Variants in SLMAP observed in about 807,000 individuals in gnomAD.
SLMAP encodes the protein sarcolemma associated protein.
SLMAP carries 44 observed loss-of-function variants against 128.8 expected under a neutral mutation model. That is an observed-to-expected ratio of 0.34 (90% confidence interval 0.27 to 0.44). The LOEUF (loss-of-function observed/expected upper bound fraction) is 0.44. Ranked by LOEUF, SLMAP falls within the 20% of genes least tolerant of loss-of-function variation. SLMAP has a pLI of 1.00. For missense variants in SLMAP, 787 were observed against 985.3 expected, an observed-to-expected ratio of 0.80 and a Z score of 2.69; for synonymous variants, 327 against 348.8, an observed-to-expected ratio of 0.94 and a Z score of 0.70.
intron 2 of SLMAP, among the ~76,000 whole-genome samples, chr3:57,793,923 T>C (rs565675341): frequency 6.7e-6 from 1 of 149,408 alleles, no homozygotes; most frequent in African/African-American, 2.5e-5. Flanking sequence ...AAAATCCTGC[T>C]GGGTGTGATG....
intron 19 of SLMAP, among the ~76,000 whole-genome samples, chr3:57,911,115 A>G (rs1279063892): frequency 2.6e-5 from 4 of 152,118 alleles, no homozygotes; most frequent in Non-Finnish European, 5.9e-5. Flanking sequence ...GTGTAGGGGC[A>G]ATTTTTCCTA....
chr3:57,784,215 TAACTGCACCCTGGAAA>T (rs1362369868), intron 2 of SLMAP, among the ~76,000 whole-genome samples: 1 of 152,062 alleles, frequency 6.6e-6, no homozygotes, highest in East Asian at 1.9e-4. Context: ...CACCAGCATA[TAACTGCACCCTGGAAA>T]GGCTGCAGGC....
intron 2 of SLMAP, among the ~76,000 whole-genome samples, chr3:57,828,981 CTTT>C (rs2093135384): frequency 6.6e-6 from 1 of 152,100 alleles, no homozygotes; most frequent in African/African-American, 2.4e-5. Context: ...TGGGGTCTCA[CTTT>C]GTTGCCCAGG....
chr3:57,832,610 C>A (rs1179864359), intron 3 of SLMAP, among the ~76,000 whole-genome samples: 1 of 152,096 alleles, frequency 6.6e-6, no homozygotes, highest in Admixed American at 6.5e-5. Flanking sequence ...TTTCATTTGT[C>A]TGAACATACT....
intron 18 of SLMAP, among the ~76,000 whole-genome samples, chr3:57,908,814 G>A (rs1207035612): frequency 6.6e-6 from 1 of 152,148 alleles, no homozygotes; most frequent in African/African-American, 2.4e-5. Flanking sequence ...TGTTTCTCAT[G>A]TTAAGAAAAG....
chr3:57,767,082 C>T (rs1377615507), intron 2 of SLMAP, among the ~76,000 whole-genome samples: 1 of 151,958 alleles, frequency 6.6e-6, no homozygotes, highest in Admixed American at 6.6e-5. Flanking sequence ...GCACACCTGG[C>T]TAATTTTTGT....
intron 21 of SLMAP, among the ~76,000 whole-genome samples, chr3:57,916,248 C>T (rs992714838): frequency 2.6e-5 from 4 of 151,906 alleles, no homozygotes; most frequent in African/African-American, 9.7e-5. Flanking sequence ...CAGTGAAGGG[C>T]ACTGAGACTC....
At chr3:57,799,654 G>C (rs1374123111) in intron 2 of SLMAP, among the ~76,000 whole-genome samples, 1 of 152,060 alleles carries the variant, frequency 6.6e-6, no homozygotes, top group African/African-American at 2.4e-5. Context: ...CTGATAACAT[G>C]TTTGCTTCTG....
intron 2 of SLMAP, among the ~76,000 whole-genome samples, chr3:57,788,189 G>A (rs1411268603): frequency 6.6e-6 from 1 of 152,232 alleles, no homozygotes; most frequent in Non-Finnish European, 1.5e-5. Context: ...TAGGAGAGAG[G>A]ACAGGAGATG....
chr3:57,796,861 A>C (rs1288288109), intron 2 of SLMAP, among the ~76,000 whole-genome samples: 1 of 152,176 alleles, frequency 6.6e-6, no homozygotes, highest in Non-Finnish European at 1.5e-5. Flanking sequence ...TATATGTAGA[A>C]TATGTCTCTA....
chr3:57,893,740 ATT>A (rs1287694794), intron 15 of SLMAP, among the ~76,000 whole-genome samples: 3 of 152,142 alleles, frequency 2.0e-5, no homozygotes, highest in Non-Finnish European at 4.4e-5. Flanking sequence ...GATTAGATGT[ATT>A]AGCCTCTTTT....
At chr3:57,917,442 C>T in intron 22 of SLMAP, 1 of 245,804 alleles carries the variant, frequency 4.1e-6, no homozygotes, top group East Asian at 1.1e-4. Flanking sequence ...TACTCTAATG[C>T]TGTCTGAACC....
At chr3:57,851,965 C>T (rs1019390445) in intron 6 of SLMAP, among the ~76,000 whole-genome samples, 17 of 152,050 alleles carry the variant, frequency 1.1e-4, no homozygotes, top group African/African-American at 3.9e-4. Flanking sequence ...GGCTGGAGTG[C>T]GGTGGCGTGA....
chr3:57,788,856 AGTTAGGGAGTGT>A (rs2084811720), intron 2 of SLMAP, among the ~76,000 whole-genome samples: 1 of 146,512 alleles, frequency 6.8e-6, no homozygotes, highest in Admixed American at 6.9e-5. Context: ...GAAGGCAGTG[AGTTAGGGAGTGT>A]GACAGGGAGT....
intron 2 of SLMAP, among the ~76,000 whole-genome samples, chr3:57,803,225 A>T (rs1018774155): frequency 2.0e-5 from 3 of 152,158 alleles, no homozygotes; most frequent in Non-Finnish European, 4.4e-5. Flanking sequence ...TAGAAACATG[A>T]GTATATACTC....
intron 15 of SLMAP, chr3:57,896,103 C>A: frequency 7.0e-6 from 2 of 286,638 alleles, no homozygotes; most frequent in Non-Finnish European, 1.0e-5. Context: ...CTTACTAAAG[C>A]AGCCTTCTTA....
chr3:57,799,448 A>G (rs1576661526), intron 2 of SLMAP, among the ~76,000 whole-genome samples: 1 of 152,172 alleles, frequency 6.6e-6, no homozygotes, highest in Non-Finnish European at 1.5e-5. Flanking sequence ...AGTGCCTCCA[A>G]ATTCCCCACG....
At chr3:57,856,695 G>A (rs541450400) in intron 6 of SLMAP, among the ~76,000 whole-genome samples, 1 of 152,184 alleles carries the variant, frequency 6.6e-6, no homozygotes, top group African/African-American at 2.4e-5. Context: ...CAGAAGGAAT[G>A]CACTCTATAA....
Position 57,860,795 on chromosome 3 carries a change from CT to C in SLMAP, c.786del (p.Gln263ArgfsTer17). On this transcript the variant is annotated frameshift_variant, in exon 9 of 25. Coordinates refer to ENST00000671191, the MANE Select transcript of SLMAP (RefSeq NM_001377540.1). LOFTEE classifies it high-confidence loss of function. ...TTAKESLRRV[L>X]QEKIEVVRKL... ...AGCCAAAGAGTCCCTGAGGCGGGTT[CT>C]TCAGGAGAAAATTGAAGTGGTTAGA... is the stretch of plus-strand genomic sequence containing the variant. 1 of 1,595,172 alleles carries C rather than the reference CT, an allele frequency of 6.3e-7. No individual in the cohort carries two copies. Among genetic ancestry groups the C allele is most frequent in the East Asian group, 2.3e-5 (1 of 44,076 alleles).
Sources: gnomAD v4.1 joint callset for allele counts (sites outside exome capture counted in the v4.1 genomes callset) on GRCh38, gnomAD v4.1.1 for gene constraint, MANE v1.5 for transcripts, NCBI Gene and HGNC (gene_info 2026-07-23, HGNC 2026-07-21) for gene names.